Variants in CFAP58 observed in about 807,000 individuals in gnomAD.
CFAP58 encodes the protein cilia and flagella associated protein 58, also known as cilia- and flagella-associated protein 58.
CFAP58 carries 88 observed loss-of-function variants against 119.5 expected under a neutral mutation model. That is an observed-to-expected ratio of 0.74 (90% CI 0.62 to 0.88). The LOEUF (loss-of-function observed/expected upper bound fraction) is 0.88. CFAP58 is among the 40% of genes least tolerant of loss of function. The probability of loss-of-function intolerance (pLI) is 0.00; values close to 1 mark genes in which losing one functional copy is unlikely to be tolerated. For synonymous variants in CFAP58, 365 were observed against 366.3 expected, an observed-to-expected ratio of 1.00 and a Z score of 0.04; for missense variants, 990 against 1,021.2, an observed-to-expected ratio of 0.97 and a Z score of 0.42.
At chr10:104,452,592 A>G (rs557633874) in intron 17 of CFAP58, among the ~76,000 whole-genome samples, 22 of 152,168 alleles carry the variant, frequency 1.4e-4, no homozygotes, top group Non-Finnish European at 3.1e-4. Context: ...GCCCTTCTTG[A>G]TGGGTCCATC....
At chr10:104,426,434 C>A (rs1041194841) in intron 15 of CFAP58, among the ~76,000 whole-genome samples, 1 of 151,884 alleles carries the variant, frequency 6.6e-6, no homozygotes, top group South Asian at 2.1e-4. Flanking sequence ...TCCTTCCCCC[C>A]GCCGCCTTCC....
chr10:104,406,737 C>CA lies in CFAP58; in HGVS notation c.2201dup (p.Lys735GlufsTer8). ...GCTGATACAGAAAATTCACACCCTG[C>CA]AGAAGCGTCTCATCAGCAAGACTGA... On this transcript the variant is annotated frameshift_variant, in exon 15 of 18. Coordinates refer to ENST00000369704, the MANE Select transcript of CFAP58 (RefSeq NM_001008723.2). LOFTEE classifies it high-confidence loss of function. The CA allele has an allele frequency of 6.2e-7, 1 of 1,614,188 alleles. No individual in the cohort carries two copies. The highest frequency in any genetic ancestry group is 8.5e-7 in the Non-Finnish European group (1 of 1,180,034).
chr10:104,395,381 A>C (rs556203140), intron 11 of CFAP58, among the ~76,000 whole-genome samples: 4 of 152,324 alleles, frequency 2.6e-5, no homozygotes, highest in African/African-American at 9.6e-5. Flanking sequence ...CCAGGTCTGG[A>C]TGGCTTTAGG....
chr10:104,377,780 T>C (rs1256579552), intron 8 of CFAP58, among the ~76,000 whole-genome samples: 1 of 152,224 alleles, frequency 6.6e-6, no homozygotes, highest in African/African-American at 2.4e-5. Flanking sequence ...TACTTTAGCC[T>C]AAAATAGACT....
Position 104,372,929 on chromosome 10 carries a change from G to A in CFAP58, c.1090+1875G>A, listed in dbSNP as rs892475126. Reference sequence around the variant, plus strand: ...AAGTGGCACTGGGCATAATGGTTAGGAGCATGGGTCTCCCTCCTACATGTT... The same window carrying A: ...AAGTGGCACTGGGCATAATGGTTAGAAGCATGGGTCTCCCTCCTACATGTT... On this transcript the variant is annotated intron_variant, in intron 7 of 17. Coordinates refer to ENST00000369704, the MANE Select transcript of CFAP58 (RefSeq NM_001008723.2). Among the ~76,000 whole-genome samples, 10 of 152,250 alleles carry A rather than the reference G, an allele frequency of 6.6e-5. No individual in the cohort carries two copies. The South Asian group carries it at 2.1e-3, about 32-fold the overall frequency.
chr10:104,445,217 G>A (rs1159352486), intron 15 of CFAP58, among the ~76,000 whole-genome samples: 1 of 151,764 alleles, frequency 6.6e-6, no homozygotes, highest in South Asian at 2.1e-4. Context: ...CAGCTACTTG[G>A]GAGGCTGAGG....
rs1476673885 is a variant in CFAP58 at position 104,451,417 on chromosome 10, A to G, written c.2510+1213A>G. Among the ~76,000 whole-genome samples, 4 of 151,628 alleles carry G rather than the reference A, an allele frequency of 2.6e-5. No individual in the cohort carries two copies. In the East Asian group the frequency reaches 7.8e-4, roughly 29 times the overall value. ...TAAGTCCATCTTAATGTGTAGGTCT[A>G]CCAGCTATCTGTCTGGTTCGGAATC... is the stretch of plus-strand genomic sequence containing the variant. On this transcript the variant is annotated intron_variant, in intron 17 of 17. Transcript: ENST00000369704.
chr10:104,406,688 G>T lies in CFAP58; in HGVS notation c.2152-1G>T, dbSNP rs776279630. 1 of 1,613,930 alleles carries T rather than the reference G, an allele frequency of 6.2e-7. No individual in the cohort carries two copies. Among genetic ancestry groups the T allele is most frequent in the Non-Finnish European group, 8.5e-7 (1 of 1,179,808 alleles). ...CTGCTATTGTTGTTCCCCTTGGACA[G>T]GCCAGCGACCCCAATGCATATGAGC... On this transcript the variant is annotated splice_acceptor_variant, in intron 14 of 17. Coordinates refer to ENST00000369704, the MANE Select transcript of CFAP58 (RefSeq NM_001008723.2). LOFTEE classifies it high-confidence loss of function.
At chr10:104,376,762 C>A in intron 7 of CFAP58, 49 bp from the exon 8 acceptor site, 1 of 1,470,818 alleles carries the variant, frequency 6.8e-7, no homozygotes. Context: ...TGTAGATTCT[C>A]TTAGGTCGAC....
chr10:104,444,138 G>A (rs2133094352), intron 15 of CFAP58, among the ~76,000 whole-genome samples: 1 of 152,294 alleles, frequency 6.6e-6, no homozygotes, highest in South Asian at 2.1e-4. Context: ...AAATAGTGAG[G>A]CATGCTACAA....
chr10:104,436,487 C>G (rs1381660655), intron 15 of CFAP58, among the ~76,000 whole-genome samples: 1 of 152,072 alleles, frequency 6.6e-6, no homozygotes, highest in Admixed American at 6.6e-5. Context: ...TCTGGGGAGG[C>G]CTCAGCGAGC....
Position 104,454,438 on chromosome 10 carries a change from C to G in CFAP58, c.2527C>G (p.Pro843Ala), listed in dbSNP as rs759904115. The change falls in exon 18 of 18, where the codon CCC becomes GCC. Residue 843 changes from proline (P) to alanine (A), a missense_variant. Physicochemically the swap from Pro to Ala is conservative, Grantham distance 27. Transcript: ENST00000369704. The part of the protein sequence containing the change: ...EQLQKNKDTA[P>A]MDNTFLMVKP... Reference sequence around the variant, plus strand: ...CTCTTACAGAAACAAGGACACAGCACCCATGGATAACACCTTCTTAATGGT... The same window carrying G: ...CTCTTACAGAAACAAGGACACAGCAGCCATGGATAACACCTTCTTAATGGT... The G allele has an allele frequency of 9.3e-6, 15 of 1,613,188 alleles. No homozygotes were observed. The highest frequency in any genetic ancestry group is 1.2e-5 in the Non-Finnish European group (14 of 1,179,522).
rs559715261 is a variant in CFAP58 at position 104,391,289 on chromosome 10, TG to T, written c.1366-942del. Among the ~76,000 whole-genome samples the T allele has an allele frequency of 3.7e-3, 568 of 152,290 alleles. 1 individual carries two copies. The highest frequency in any genetic ancestry group is 0.013 in the African/African-American group (542 of 41,554). ...AGACATGGACCTGTTTCTTCATACA[TG>T]GACCTGTTTCTTCATATGTGTCCCC... On this transcript the variant is annotated intron_variant, in intron 9 of 17. Coordinates refer to ENST00000369704, the MANE Select transcript of CFAP58 (RefSeq NM_001008723.2).
chr10:104,401,747 C>A (rs2012268929), intron 13 of CFAP58, among the ~76,000 whole-genome samples: 1 of 151,710 alleles, frequency 6.6e-6, no homozygotes, highest in Non-Finnish European at 1.5e-5. Context: ...AAGGATAAAT[C>A]AATACTTTTT....
chr10:104,368,683 G>A, intron 6 of CFAP58, 123 bp downstream of exon 6: 1 of 1,013,788 alleles, frequency 9.9e-7, no homozygotes, highest in Non-Finnish European at 1.5e-6. Context: ...ACACATCAGA[G>A]GCAGGTGCAA....
chr10:104,389,690 C>T (rs1038735643), intron 9 of CFAP58, among the ~76,000 whole-genome samples: 3 of 152,154 alleles, frequency 2.0e-5, no homozygotes, highest in Non-Finnish European at 4.4e-5. Context: ...GTGTCTTATT[C>T]TTCTTTCTAT....
intron 15 of CFAP58, among the ~76,000 whole-genome samples, chr10:104,417,664 G>A (rs1451597516): frequency 6.6e-6 from 1 of 152,148 alleles, no homozygotes; most frequent in African/African-American, 2.4e-5. Flanking sequence ...AAGAGTAGAG[G>A]GAAATGGCAG....
Position 104,380,219 on chromosome 10 carries a change from AG to A in CFAP58, c.1365+1del. The A allele has an allele frequency of 6.2e-7, 1 of 1,613,154 alleles. No homozygotes were observed. The highest frequency in any genetic ancestry group is 1.7e-4 in the Middle Eastern group (1 of 5,790). ...YINQASDLTQ[K>X]VLMNMEDIKV... is the part of the protein sequence containing the mutation. ...AACCAAGCCAGTGACCTTACGCAAA[AG>A]GTAAGCTGCTCAGTGATGTTGTGGG... is the stretch of plus-strand genomic sequence containing the variant. On this transcript the variant is annotated frameshift_variant and splice_region_variant, in exon 9 of 18. Transcript: ENST00000369704. LOFTEE classifies it high-confidence loss of function.
At chr10:104,367,249 C>T (rs1207734189) in intron 5 of CFAP58, among the ~76,000 whole-genome samples, 3 of 152,120 alleles carry the variant, frequency 2.0e-5, no homozygotes, top group Non-Finnish European at 4.4e-5. Flanking sequence ...AACACTTCCT[C>T]TATTATAGCA....
Sources: gnomAD v4.1 joint callset for allele counts (sites outside exome capture counted in the v4.1 genomes callset) on GRCh38, gnomAD v4.1.1 for gene constraint, MANE v1.5 for transcripts, NCBI Gene and HGNC (gene_info 2026-07-23, HGNC 2026-07-21) for gene names.